GNAL: variants seen among roughly 807,000 people sequenced by gnomAD.
GNAL encodes guanine nucleotide-binding protein G(olf) subunit alpha.
In GNAL, 18 loss-of-function variants were observed where a neutral mutation model predicts 55.1. The observed-to-expected ratio is 0.33, with a 90% confidence interval of 0.23 to 0.48. The LOEUF is 0.48. Ranked by LOEUF, GNAL falls within the 20% of genes least tolerant of loss-of-function variation. The probability of loss-of-function intolerance (pLI) is 0.99; values close to 1 mark genes in which losing one functional copy is unlikely to be tolerated. For missense variants in GNAL, 412 were observed against 614.1 expected, an observed-to-expected ratio of 0.67 and a Z score of 3.48; for synonymous variants, 253 against 237.0, an observed-to-expected ratio of 1.07 and a Z score of -0.62.
chr18:11,789,186 A>G (rs867573699), intron 4 of GNAL, among the ~76,000 whole-genome samples: 4 of 152,018 alleles, frequency 2.6e-5, no homozygotes, highest in Non-Finnish European at 4.4e-5. Flanking sequence ...GAGGCCCTCA[A>G]TCACTGTCCT....
Position 11,807,167 on chromosome 18 carries a change from AAAAG to A in GNAL, c.625-17739_625-17736del, listed in dbSNP as rs545890603. On this transcript the variant is annotated intron_variant, in intron 4 of 11. Transcript: ENST00000334049. Reference sequence around the variant, plus strand: ...GAGCGAGACTCTGTCTCAAAAAAAAAAAAGAAAGAAAGAAAAGAACAACCTCCAG... The same window carrying A: ...GAGCGAGACTCTGTCTCAAAAAAAAAAAAGAAAGAAAAGAACAACCTCCAG... Among the ~76,000 whole-genome samples the A allele has an allele frequency of 6.9e-4, 105 of 152,210 alleles. 1 individual carries two copies. The East Asian group carries it at 0.017, about 25-fold the overall frequency.
At position 11,690,912 on chromosome 18, in the gene GNAL, A is replaced by G. The variant is rs1448912832; in HGVS notation, c.376+973A>G. On this transcript the variant is annotated intron_variant, in intron 1 of 11. Coordinates refer to ENST00000334049, the MANE Select transcript of GNAL (RefSeq NM_182978.4). ...CTTTGCTAATGTGAATAGTGCTGCA[A>G]TAAACGTACGTGTGCATGTGTCTTT... Among the ~76,000 whole-genome samples the G allele has an allele frequency of 5.3e-5, 8 of 150,638 alleles. No individual in the cohort carries two copies. The East Asian group carries it at 1.4e-3, about 26-fold the overall frequency.
At chr18:11,819,425 A>G (rs557910325) in intron 4 of GNAL, among the ~76,000 whole-genome samples, 1 of 152,280 alleles carries the variant, frequency 6.6e-6, no homozygotes, top group East Asian at 1.9e-4. Context: ...TCAAAATTGT[A>G]CTTCAAAATT....
intron 1 of GNAL, among the ~76,000 whole-genome samples, chr18:11,726,244 C>G (rs1329600515): frequency 6.6e-6 from 1 of 152,188 alleles, no homozygotes; most frequent in African/African-American, 2.4e-5. Context: ...CATTCCTTTT[C>G]TGACTAAATT....
intron 4 of GNAL, among the ~76,000 whole-genome samples, chr18:11,766,589 A>G (rs1237371416): frequency 2.0e-5 from 3 of 152,208 alleles, no homozygotes; most frequent in African/African-American, 7.2e-5. Context: ...CTTGTAGTGA[A>G]GAGAATCTGT....
At chr18:11,798,108 C>A (rs1255933030) in intron 4 of GNAL, among the ~76,000 whole-genome samples, 1 of 152,138 alleles carries the variant, frequency 6.6e-6, no homozygotes, top group African/African-American at 2.4e-5. Flanking sequence ...TGGCTGTCTC[C>A]TATAGTCCCA....
intron 4 of GNAL, among the ~76,000 whole-genome samples, chr18:11,768,219 A>G (rs950809415): frequency 1.3e-5 from 2 of 152,246 alleles, no homozygotes; most frequent in African/African-American, 2.4e-5. Context: ...CACCGTACTC[A>G]GGACCATGAG....
chr18:11,838,091 A>G (rs1313721873), intron 5 of GNAL, among the ~76,000 whole-genome samples: 2 of 152,188 alleles, frequency 1.3e-5, no homozygotes, highest in African/African-American at 4.8e-5. Flanking sequence ...AGATTGCATC[A>G]CTGCACTCCA....
Position 11,711,099 on chromosome 18 carries a change from T to A in GNAL, c.376+21160T>A, listed in dbSNP as rs1041501620. 2.4e-4 allele frequency among the ~76,000 whole-genome samples: 37 copies of A among 152,244 alleles called. 1 individual carries two copies. Among genetic ancestry groups the A allele is most frequent in the East Asian group, 5.8e-4 (3 of 5,164 alleles). ...ACCGTGTTAGCCAGGATGGTCTCGATCTCCTGACCTCGTGATCCACCCACC... is the reference window on the plus strand; with the variant it reads ...ACCGTGTTAGCCAGGATGGTCTCGAACTCCTGACCTCGTGATCCACCCACC... On this transcript the variant is annotated intron_variant, in intron 1 of 11. Coordinates refer to ENST00000334049, the MANE Select transcript of GNAL (RefSeq NM_182978.4).
Position 11,872,268 on chromosome 18 carries a change from G to T in GNAL, c.1032G>T (p.Arg344Ser). The change falls in exon 10 of 12, where the codon AGG (arginine) becomes AGT (serine). Residue 344 changes from arginine to serine, a missense_variant and splice_region_variant. Physicochemically the swap from Arg to Ser is moderately radical, Grantham distance 110. Around this residue, in one of 5 missense-constraint regions of GNAL, gnomAD observed 53 missense variants for 182.7 expected, o/e 0.29. Transcript: ENST00000334049. ...LDLFESIWNN[R>S]WLRTISIILF... ...TGTATGTTTATTTTTCCTTTTTTAG[G>T]TGGTTACGGACCATTTCTATCATCT... The T allele has an allele frequency of 1.3e-6, 2 of 1,570,582 alleles. No individual in the cohort carries two copies. Among genetic ancestry groups the T allele is most frequent in the African/African-American group, 1.4e-5 (1 of 72,078 alleles).
chr18:11,867,266 T>G (rs2036283853), intron 8 of GNAL, 40 bp downstream of exon 8: 2 of 1,206,210 alleles, frequency 1.7e-6, no homozygotes, highest in South Asian at 2.4e-5. Context: ...AGGAGTGAAT[T>G]CTAACACTCA....
chr18:11,699,949 A>T (rs1010289382), intron 1 of GNAL, among the ~76,000 whole-genome samples: 3 of 152,162 alleles, frequency 2.0e-5, no homozygotes, highest in Admixed American at 6.5e-5. Context: ...CGGGGCAGGG[A>T]GTACATGGCA....
intron 5 of GNAL, among the ~76,000 whole-genome samples, chr18:11,848,509 T>G (rs1403814713): frequency 6.6e-6 from 1 of 151,522 alleles, no homozygotes; most frequent in African/African-American, 2.4e-5. Context: ...CAGGCTGTAG[T>G]GCACTGGCGT....
rs886094662 is a variant in GNAL at position 11,884,680 on chromosome 18, C to A, written c.*3545C>A. 2 of 1,562,174 alleles carry A rather than the reference C, an allele frequency of 1.3e-6. No homozygotes were observed. The highest frequency in any genetic ancestry group is 1.8e-6 in the Non-Finnish European group (2 of 1,137,512). ...GAGAGCACCAGGCACACGTTGAACA[C>A]CGCAGTCTTAGAAACAGCAGAGGGA... On this transcript the variant is annotated 3_prime_UTR_variant, in exon 12 of 12. Transcript: ENST00000334049.
chr18:11,828,096 G>T (rs539196359), intron 5 of GNAL, among the ~76,000 whole-genome samples: 10 of 152,318 alleles, frequency 6.6e-5, no homozygotes, highest in African/African-American at 2.4e-4. Context: ...TTTCGGTTTG[G>T]ATGTGGGAGT....
chr18:11,841,644 CAA>C (rs56295234), intron 5 of GNAL, among the ~76,000 whole-genome samples: 7,062 of 122,694 alleles, frequency 0.058, 209 homozygotes, highest in Middle Eastern at 0.11. Context: ...GGGTCTGTCT[CAA>C]AAAAAAAAAA....
chr18:11,813,017 A>T (rs543906242), intron 4 of GNAL, among the ~76,000 whole-genome samples: 1 of 152,102 alleles, frequency 6.6e-6, no homozygotes, highest in Non-Finnish European at 1.5e-5. Context: ...GCACTTTGGG[A>T]GGCCAAGGCA....
intron 4 of GNAL, among the ~76,000 whole-genome samples, chr18:11,797,350 G>A (rs2034417440): frequency 6.6e-6 from 1 of 152,076 alleles, no homozygotes; most frequent in Non-Finnish European, 1.5e-5. Context: ...TTGTTTATAG[G>A]ATACCAATTT....
chr18:11,825,404 TTAAAGTAA>T (rs1272375099), intron 5 of GNAL, among the ~76,000 whole-genome samples: 6 of 152,118 alleles, frequency 3.9e-5, no homozygotes, highest in Non-Finnish European at 8.8e-5. Flanking sequence ...GGTCAGGCTC[TTAAAGTAA>T]TGTGATCATT....
Sources: allele counts gnomAD v4.1 joint callset (sites outside exome capture counted in the v4.1 genomes callset), GRCh38; gene constraint gnomAD v4.1.1; regional missense constraint gnomAD v4.1.1; transcripts MANE v1.5; gene names NCBI Gene and HGNC (gene_info 2026-07-23, HGNC 2026-07-21).